Variants in MAGI2 observed in about 807,000 individuals in gnomAD.
MAGI2 encodes membrane-associated guanylate kinase, WW and PDZ domain-containing protein 2.
In MAGI2, 35 loss-of-function variants were observed where a neutral mutation model predicts 133.3. The observed-to-expected ratio is 0.26, with a 90% CI of 0.20 to 0.35. The LOEUF is 0.35. Among genes scored for constraint, MAGI2 ranks in the 10% least tolerant of loss-of-function variants. The pLI is 1.00. For missense variants in MAGI2, 1,636 were observed against 1,863.4 expected (o/e 0.88, Z 2.25); for synonymous variants, 729 against 710.6 (o/e 1.03, Z -0.41).
chr7:78,235,750 ATT>A (rs35561898), intron 10 of MAGI2, among the ~76,000 whole-genome samples: 1 of 151,698 alleles, frequency 6.6e-6, no homozygotes, highest in South Asian at 2.1e-4. Flanking sequence ...CTAATACTCT[ATT>A]TTTTTTACAA....
intron 1 of MAGI2, among the ~76,000 whole-genome samples, chr7:79,378,165 C>A (rs1843508626): frequency 6.6e-6 from 1 of 151,700 alleles, no homozygotes; most frequent in Admixed American, 6.6e-5. Flanking sequence ...GCTGCTCAGG[C>A]TATTATAAAA....
At chr7:78,082,059 T>C (rs939694494) in intron 20 of MAGI2, among the ~76,000 whole-genome samples, 2 of 152,190 alleles carry the variant, frequency 1.3e-5, no homozygotes, top group Non-Finnish European at 2.9e-5. Context: ...AAATCGAATC[T>C]TGACAGCCAC....
chr7:78,380,201 C>T (rs1053966032), intron 6 of MAGI2, among the ~76,000 whole-genome samples: 1 of 151,222 alleles, frequency 6.6e-6, no homozygotes, highest in Non-Finnish European at 1.5e-5. Flanking sequence ...AAAAATTGTA[C>T]AAAATAGACT....
At chr7:78,379,421 G>A (rs1562915523) in intron 6 of MAGI2, among the ~76,000 whole-genome samples, 1 of 151,864 alleles carries the variant, frequency 6.6e-6, no homozygotes, top group African/African-American at 2.4e-5. Flanking sequence ...CCTATTAGAT[G>A]GAAGAATTCA....
chr7:78,772,462 G>A (rs1036585219), intron 2 of MAGI2, among the ~76,000 whole-genome samples: 6 of 152,132 alleles, frequency 3.9e-5, no homozygotes, highest in African/African-American at 1.4e-4. Flanking sequence ...GGAAAATAGA[G>A]GAAGAGCTGA....
chr7:78,852,178 T>C lies in MAGI2; in HGVS notation c.418+154912A>G, dbSNP rs573990052. ...ATTACTAATGCATTTGAGCATTTTT[T>C]CATATTTTTATTGCCCCATTGCTTT... is the stretch of plus-strand genomic sequence containing the variant. On this transcript the variant is annotated intron_variant, in intron 2 of 21. Transcript: ENST00000354212. Among the ~76,000 whole-genome samples the C allele has an allele frequency of 1.5e-4, 23 of 152,274 alleles. 1 individual carries two copies. The South Asian group carries it at 4.8e-3, about 32-fold the overall frequency.
chr7:79,391,508 C>CATATATATAT (rs1286692402), intron 1 of MAGI2, among the ~76,000 whole-genome samples: 87 of 69,154 alleles, frequency 1.3e-3, no homozygotes, highest in South Asian at 3.1e-3. Context: ...TATATATAGA[C>CATATATATAT]ATATATATAT....
At chr7:79,418,136 T>C (rs7791667) in intron 1 of MAGI2, among the ~76,000 whole-genome samples, 37,728 of 151,972 alleles carry the variant, frequency 0.25, 6,727 homozygotes, top group African/African-American at 0.51. Context: ...ATTGTTTTTC[T>C]TTCTTAGTAA....
chr7:78,586,981 T>C (rs566462326), intron 3 of MAGI2, among the ~76,000 whole-genome samples: 1 of 152,360 alleles, frequency 6.6e-6, no homozygotes, highest in Non-Finnish European at 1.5e-5. Context: ...CATTCACTGA[T>C]GAACATTTGG....
chr7:78,677,913 C>T (rs1815227471), intron 2 of MAGI2, among the ~76,000 whole-genome samples: 1 of 152,026 alleles, frequency 6.6e-6, no homozygotes, highest in Non-Finnish European at 1.5e-5. Flanking sequence ...TGCATAGCCT[C>T]AGGGCACAGA....
At chr7:79,011,153 AC>A (rs1280970258) in intron 1 of MAGI2, 1 of 152,134 alleles carries the variant, frequency 6.6e-6, no homozygotes, top group Non-Finnish European at 1.5e-5. Flanking sequence ...CTGGGGAGCA[AC>A]ACCTATGGTC....
chr7:78,860,423 G>A (rs567041829), intron 2 of MAGI2, among the ~76,000 whole-genome samples: 134 of 152,210 alleles, frequency 8.8e-4, no homozygotes, highest in African/African-American at 3.1e-3. Flanking sequence ...ATGGGGTTTT[G>A]GTGTGGATGT....
intron 1 of MAGI2, among the ~76,000 whole-genome samples, chr7:79,245,582 T>C (rs1832759571): frequency 6.6e-6 from 1 of 152,194 alleles, no homozygotes. Context: ...AAGGACTTTA[T>C]CTTGTGGCTT....
intron 1 of MAGI2, among the ~76,000 whole-genome samples, chr7:79,019,736 G>T (rs1326752465): frequency 1.3e-5 from 2 of 152,032 alleles, no homozygotes; most frequent in African/African-American, 4.8e-5. Context: ...GTAGAAATGG[G>T]GTTTCAGCAT....
At chr7:79,189,235 T>C (rs565561784) in intron 1 of MAGI2, among the ~76,000 whole-genome samples, 8 of 148,012 alleles carry the variant, frequency 5.4e-5, no homozygotes, top group African/African-American at 1.8e-4. Context: ...ACAGGCTATG[T>C]ACCAGAGGGT....
chr7:78,880,294 G>A (rs138844557), intron 2 of MAGI2, among the ~76,000 whole-genome samples: 7 of 152,150 alleles, frequency 4.6e-5, no homozygotes, highest in South Asian at 4.1e-4. Flanking sequence ...AGATCAGCAC[G>A]GAAGAAAAAA....
At chr7:79,437,410 A>G (rs1017869076) in intron 1 of MAGI2, among the ~76,000 whole-genome samples, 6 of 152,226 alleles carry the variant, frequency 3.9e-5, no homozygotes, top group Middle Eastern at 3.4e-3. Context: ...TAAGGTGTAC[A>G]GGATGGTTTT....
chr7:78,729,823 G>C (rs1183366904), intron 2 of MAGI2, among the ~76,000 whole-genome samples: 1 of 152,138 alleles, frequency 6.6e-6, no homozygotes. Context: ...ATGTTTTTGA[G>C]AGACCAAGAG....
chr7:78,650,418 CCTTCAA>C, intron 2 of MAGI2, among the ~76,000 whole-genome samples: 1 of 152,020 alleles, frequency 6.6e-6, no homozygotes, highest in East Asian at 1.9e-4. Context: ...GTGGGAGTGG[CCTTCAA>C]AAGCAAGGGT....
Sources: gnomAD v4.1 joint callset for allele counts (sites outside exome capture counted in the v4.1 genomes callset) on GRCh38, gnomAD v4.1.1 for gene constraint, MANE v1.5 for transcripts, NCBI Gene and HGNC (gene_info 2026-07-23, HGNC 2026-07-21) for gene names.